Variants in MYO9A observed in about 807,000 individuals in gnomAD.
MYO9A encodes the protein unconventional myosin-IXa.
In MYO9A, 103 loss-of-function variants were observed where a neutral mutation model predicts 293.3. The observed-to-expected ratio is 0.35, with a 90% CI of 0.30 to 0.41. The LOEUF (loss-of-function observed/expected upper bound fraction) is 0.41, where lower values mean the gene tolerates loss of function less well. MYO9A is among the 10% of genes least tolerant of loss of function. The pLI, the probability that MYO9A is intolerant of heterozygous loss-of-function variation, is 1.00. For synonymous variants in MYO9A, 1,001 were observed against 1,035.7 expected, an observed-to-expected ratio of 0.97 and a Z score of 0.64; for missense variants, 2,685 against 3,033.0, an observed-to-expected ratio of 0.89 and a Z score of 2.69.
At chr15:71,995,758 C>G (rs1258418706) in intron 9 of MYO9A, among the ~76,000 whole-genome samples, 2 of 152,158 alleles carry the variant, frequency 1.3e-5, no homozygotes, top group East Asian at 3.9e-4. Context: ...AGAGTATCTT[C>G]CAATTCCAGT....
At chr15:72,064,181 C>T (rs1031079684) in intron 1 of MYO9A, among the ~76,000 whole-genome samples, 4 of 151,514 alleles carry the variant, frequency 2.6e-5, no homozygotes, top group African/African-American at 4.9e-5. Flanking sequence ...AGTAAAGGGG[C>T]GGAGGAAAGT....
intron 32 of MYO9A, among the ~76,000 whole-genome samples, chr15:71,864,126 G>A (rs972606515): frequency 6.6e-6 from 1 of 152,096 alleles, no homozygotes; most frequent in Non-Finnish European, 1.5e-5. Flanking sequence ...TGTTAGAAAT[G>A]TTAGAACCCA....
chr15:72,000,041 A>G (rs1596349912), intron 8 of MYO9A, 101 bp from the exon 9 acceptor site: 2 of 855,918 alleles, frequency 2.3e-6, no homozygotes, highest in East Asian at 2.8e-5. Context: ...TAATGAGATT[A>G]GCAATTACAT....
At chr15:71,985,083 C>T (rs2076376062) in intron 11 of MYO9A, among the ~76,000 whole-genome samples, 1 of 152,114 alleles carries the variant, frequency 6.6e-6, no homozygotes, top group Non-Finnish European at 1.5e-5. Context: ...CCAAGCCCAG[C>T]TAATTTTTGT....
chr15:72,108,501 GGAAGA>G (rs1447819337), intron 1 of MYO9A, among the ~76,000 whole-genome samples: 1 of 152,034 alleles, frequency 6.6e-6, no homozygotes, highest in African/African-American at 2.4e-5. Flanking sequence ...AATGTCACAG[GGAAGA>G]GAAATGTGGG....
chr15:71,871,632 C>T (rs546016795), intron 32 of MYO9A, among the ~76,000 whole-genome samples: 5 of 149,276 alleles, frequency 3.3e-5, no homozygotes, highest in East Asian at 2.0e-4. Flanking sequence ...TGCAGTGAGC[C>T]GTGATCATGC....
At chr15:72,074,951 C>T (rs74509113) in intron 1 of MYO9A, among the ~76,000 whole-genome samples, 611 of 53,128 alleles carry the variant, frequency 0.012, 4 homozygotes, top group African/African-American at 0.025. Flanking sequence ...TTTTCACTGC[C>T]TTTTTTTTTT....
chr15:72,057,103 G>A (rs1264002768), intron 1 of MYO9A, among the ~76,000 whole-genome samples: 1 of 149,872 alleles, frequency 6.7e-6, no homozygotes, highest in Non-Finnish European at 1.5e-5. Context: ...GCAAGACTCT[G>A]TCTCAGGAAA....
chr15:72,110,891 G>T (rs1338765621), intron 1 of MYO9A, among the ~76,000 whole-genome samples: 1 of 152,214 alleles, frequency 6.6e-6, no homozygotes, highest in Non-Finnish European at 1.5e-5. Context: ...CGGGCATGGT[G>T]GCTCACGCCT....
intron 3 of MYO9A, among the ~76,000 whole-genome samples, chr15:72,028,783 T>C (rs929203481): frequency 6.6e-6 from 1 of 152,206 alleles, no homozygotes; most frequent in Non-Finnish European, 1.5e-5. Context: ...CTCAAAGATA[T>C]ACATAGTTTC....
At chr15:71,949,118 C>T (rs538098066) in intron 15 of MYO9A, among the ~76,000 whole-genome samples, 2 of 152,216 alleles carry the variant, frequency 1.3e-5, no homozygotes, top group East Asian at 1.9e-4. Context: ...GACATTTTAG[C>T]AGTTTATCTA....
intron 31 of MYO9A, among the ~76,000 whole-genome samples, chr15:71,876,980 C>A (rs1157762089): frequency 6.6e-6 from 1 of 152,130 alleles, no homozygotes; most frequent in Non-Finnish European, 1.5e-5. Context: ...AACTGAAGAA[C>A]TGTCCAGAAC....
chr15:71,939,907 G>A (rs185220442), intron 15 of MYO9A, among the ~76,000 whole-genome samples: 3 of 152,224 alleles, frequency 2.0e-5, no homozygotes, highest in African/African-American at 4.8e-5. Context: ...ACTAATAAAC[G>A]AGTTCTGCAA....
chr15:71,922,411 G>A (rs1317322126), intron 18 of MYO9A, among the ~76,000 whole-genome samples: 3 of 152,192 alleles, frequency 2.0e-5, no homozygotes, highest in Admixed American at 6.5e-5. Flanking sequence ...ATTGAGTAGT[G>A]ATTAAATCAG....
At chr15:72,080,611 G>GT (rs58059321) in intron 1 of MYO9A, among the ~76,000 whole-genome samples, 3,278 of 148,196 alleles carry the variant, frequency 0.022, 112 homozygotes, top group African/African-American at 0.078. Context: ...TACTTTTTGG[G>GT]TTTTTTTTTT....
chr15:71,917,702 A>G (rs2058048529), intron 18 of MYO9A, among the ~76,000 whole-genome samples: 2 of 152,172 alleles, frequency 1.3e-5, no homozygotes. Flanking sequence ...TTTTTAAACC[A>G]CACAATATTT....
intron 11 of MYO9A, among the ~76,000 whole-genome samples, chr15:71,986,516 C>A (rs749768069): frequency 2.6e-5 from 4 of 152,144 alleles, no homozygotes; most frequent in Non-Finnish European, 5.9e-5. Context: ...CAACAGGGAT[C>A]CCTAATCTCA....
chr15:72,032,786 G>A (rs563227631), intron 2 of MYO9A, among the ~76,000 whole-genome samples, 198 bp from the exon 3 acceptor site: 1 of 152,172 alleles, frequency 6.6e-6, no homozygotes, highest in Admixed American at 6.5e-5. Context: ...ACAACTGAAA[G>A]AAGATCAAGT....
intron 6 of MYO9A, among the ~76,000 whole-genome samples, chr15:72,012,964 TA>T (rs573048491): frequency 2.6e-5 from 4 of 151,906 alleles, no homozygotes; most frequent in African/African-American, 4.8e-5. Context: ...AATCATAGTT[TA>T]AAAAAAATGT....
Sources: gnomAD v4.1 joint callset for allele counts (sites outside exome capture counted in the v4.1 genomes callset) on GRCh38, gnomAD v4.1.1 for gene constraint, MANE v1.5 for transcripts, NCBI Gene and HGNC (gene_info 2026-07-23, HGNC 2026-07-21) for gene names.